The following TMBIM4 variants were observed in gnomAD, a reference collection of about 807,000 sequenced individuals.
TMBIM4 encodes the protein transmembrane BAX inhibitor motif containing 4.
TMBIM4 carries 28 observed loss-of-function variants against 27.7 expected under a neutral mutation model. The observed-to-expected ratio is 1.01, with a 90% CI of 0.75 to 1.38. The LOEUF is 1.38. Among genes scored for constraint, TMBIM4 ranks in the 40% most tolerant of loss-of-function variants. The pLI, the probability that TMBIM4 is intolerant of heterozygous loss-of-function variation, is 0.00. For synonymous variants in TMBIM4, 115 were observed against 113.1 expected, an observed-to-expected ratio of 1.02 and a Z score of -0.11; for missense variants, 265 against 277.5, an observed-to-expected ratio of 0.95 and a Z score of 0.32.
chr12:66,137,153 T>C lies in TMBIM4; in HGVS notation c.*807A>G. ...AAAAGTCATTAACATTTTAATGTAA[T>C]ACTGAATAATTCTCTGTGGAATTTA... On this transcript the variant is annotated 3_prime_UTR_variant, in exon 7 of 7. Transcript: ENST00000358230. 6.6e-6 allele frequency: 1 copy of C among 152,240 alleles called. No homozygotes were observed. Among genetic ancestry groups the C allele is most frequent in the Non-Finnish European group, 1.5e-5 (1 of 68,050 alleles). The allele number at this position is 152,240 out of a possible 1,614,324, so 9.4% of individuals were successfully genotyped here. A position where few individuals can be genotyped will look rare whatever the true frequency, so the allele number is the denominator to read the frequency against.
At chr12:66,140,163 G>A (rs2136843976) in intron 5 of TMBIM4, among the ~76,000 whole-genome samples, 1 of 152,146 alleles carries the variant, frequency 6.6e-6, no homozygotes, top group East Asian at 1.9e-4. Flanking sequence ...ACAAGGAGAA[G>A]AAACAATCAA....
chr12:66,152,143 A>G (rs1481569668), intron 3 of TMBIM4, 128 bp downstream of exon 3: 2 of 421,862 alleles, frequency 4.7e-6, no homozygotes, highest in Non-Finnish European at 8.3e-6. Context: ...AATTACAATT[A>G]ATTTCCTAAA....
intron 5 of TMBIM4, among the ~76,000 whole-genome samples, chr12:66,145,138 G>C (rs1033060479): frequency 6.6e-6 from 1 of 152,110 alleles, no homozygotes; most frequent in Admixed American, 6.5e-5. Flanking sequence ...GTCAGTGTTG[G>C]CTGACCAACT....
In TMBIM4 at chr12:66,145,250, T is replaced by G. The variant is rs2051732600; in HGVS notation, c.464+591A>C. 3 of 152,142 alleles carry G rather than the reference T, an allele frequency of 2.0e-5. No homozygotes were observed. The South Asian group carries it at 6.2e-4, about 31-fold the overall frequency. 9.4% of individuals were successfully genotyped at this position (152,142 alleles called of 1,614,324 possible). On this transcript the variant is annotated intron_variant, in intron 5 of 6. Coordinates refer to ENST00000358230, the MANE Select transcript of TMBIM4 (RefSeq NM_016056.4). ...CAAGAGCAGAGTTTTGTAAATAGTG[T>G]TGTAACAGGAAAAAGAAAACGGTTG...
chr12:66,148,273 T>C (rs2051784809), intron 3 of TMBIM4, among the ~76,000 whole-genome samples: 1 of 152,222 alleles, frequency 6.6e-6, no homozygotes, highest in Non-Finnish European at 1.5e-5. Flanking sequence ...ATGTGCACAT[T>C]TATAAAACCT....
chr12:66,159,185 T>C (rs2051994977), intron 1 of TMBIM4, among the ~76,000 whole-genome samples: 1 of 152,224 alleles, frequency 6.6e-6, no homozygotes, highest in East Asian at 1.9e-4. Flanking sequence ...GACTTGCTTC[T>C]GATTAACAGA....
intron 3 of TMBIM4, 55 bp from the exon 4 acceptor site, chr12:66,147,996 A>C: frequency 6.6e-7 from 1 of 1,506,484 alleles, no homozygotes; most frequent in Non-Finnish European, 9.1e-7. Flanking sequence ...TCTCATGTAC[A>C]TTTTCTAATT....
chr12:66,167,982 G>T (rs986279656), intron 1 of TMBIM4, among the ~76,000 whole-genome samples: 16 of 152,210 alleles, frequency 1.1e-4, no homozygotes, highest in Admixed American at 9.8e-4. Context: ...GACTTTGGGA[G>T]GCTGAGGTGG....
At chr12:66,169,367 A>C in intron 1 of TMBIM4, 1 of 645,930 alleles carries the variant, frequency 1.5e-6, no homozygotes, top group African/African-American at 1.8e-5. Context: ...CGGAGAGGAA[A>C]TAGTGCCGTC....
intron 1 of TMBIM4, among the ~76,000 whole-genome samples, chr12:66,167,194 A>G (rs1202491172): frequency 6.6e-6 from 1 of 152,226 alleles, no homozygotes; most frequent in Non-Finnish European, 1.5e-5. Flanking sequence ...ACATGTCATT[A>G]AACATTTGTC....
At chr12:66,143,256 T>C (rs918054099) in intron 5 of TMBIM4, among the ~76,000 whole-genome samples, 2 of 152,190 alleles carry the variant, frequency 1.3e-5, no homozygotes, top group Non-Finnish European at 2.9e-5. Flanking sequence ...TCTGAGAATA[T>C]AGATAAGATA....
chr12:66,152,130 T>TA, intron 3 of TMBIM4, 141 bp downstream of exon 3: 1 of 407,194 alleles, frequency 2.5e-6, no homozygotes, highest in Non-Finnish European at 4.3e-6. Context: ...TAAAAGACTA[T>TA]AAAATTACAA....
intron 1 of TMBIM4, chr12:66,160,184 G>A (rs1470722742): frequency 1.4e-6 from 1 of 703,284 alleles, no homozygotes; most frequent in South Asian, 1.5e-5. Context: ...TGTAGAAAAT[G>A]TTCACCATCC....
chr12:66,165,419 C>CG lies in TMBIM4; in HGVS notation c.97+4435_97+4436insC, dbSNP rs578253907. Among the ~76,000 whole-genome samples, 320 of 137,886 alleles carry CG rather than the reference C, an allele frequency of 2.3e-3. 2 individuals carry two copies. Among genetic ancestry groups the CG allele is most frequent in the African/African-American group, 7.5e-3 (283 of 37,546 alleles). The allele number at this position is 137,886 out of a possible 152,430, so 90.5% of individuals were successfully genotyped here. On this transcript the variant is annotated intron_variant, in intron 1 of 6. Coordinates refer to ENST00000358230, the MANE Select transcript of TMBIM4 (RefSeq NM_016056.4). ...ATAATAAATCCTGGTATATATGATCCTTTTTTTTTTTTTTTTCAGACACGG... is the reference window on the plus strand; with the variant it reads ...ATAATAAATCCTGGTATATATGATCCGTTTTTTTTTTTTTTTTCAGACACGG...
At chr12:66,161,469 G>A (rs368299216) in intron 1 of TMBIM4, among the ~76,000 whole-genome samples, 75 of 152,272 alleles carry the variant, frequency 4.9e-4, no homozygotes, top group African/African-American at 1.5e-3. Flanking sequence ...TCGAACTTAC[G>A]CAATCTGCTC....
At chr12:66,158,401 G>A (rs1328977553) in intron 1 of TMBIM4, among the ~76,000 whole-genome samples, 1 of 152,006 alleles carries the variant, frequency 6.6e-6, no homozygotes, top group Non-Finnish European at 1.5e-5. Context: ...AGCACTTTGG[G>A]AGGCCAAGGC....
intron 1 of TMBIM4, among the ~76,000 whole-genome samples, chr12:66,166,555 TAA>T (rs2052134457): frequency 1.3e-5 from 2 of 151,466 alleles, no homozygotes; most frequent in South Asian, 4.2e-4. Flanking sequence ...CTCAACATTA[TAA>T]GTCATTAGAG....
intron 1 of TMBIM4, among the ~76,000 whole-genome samples, chr12:66,158,345 C>CA (rs911819289): frequency 2.7e-5 from 4 of 150,664 alleles, no homozygotes; most frequent in African/African-American, 7.3e-5. Context: ...AATTGTGCCT[C>CA]AAAAAAACAT....
intron 1 of TMBIM4, chr12:66,160,209 T>G (rs1400677182): frequency 1.4e-6 from 1 of 703,322 alleles, no homozygotes; most frequent in Non-Finnish European, 2.6e-6. Context: ...TCTACCAGAT[T>G]GCCGGAGATG....
Sources: allele counts gnomAD v4.1 joint callset (sites outside exome capture counted in the v4.1 genomes callset), GRCh38; gene constraint gnomAD v4.1.1; transcripts MANE v1.5; gene names NCBI Gene and HGNC (gene_info 2026-07-23, HGNC 2026-07-21).